Variants in USP31 observed in about 807,000 individuals in gnomAD.
The protein encoded by USP31 is ubiquitin carboxyl-terminal hydrolase 31.
USP31 carries 44 observed loss-of-function variants against 119.4 expected under a neutral mutation model. That is an observed-to-expected ratio of 0.37 (90% CI 0.29 to 0.47). The LOEUF is 0.47. Ranked by LOEUF, USP31 falls within the 20% of genes least tolerant of loss-of-function variation. The pLI, the probability that USP31 is intolerant of heterozygous loss-of-function variation, is 0.99. For synonymous variants in USP31, 749 were observed against 705.6 expected, an observed-to-expected ratio of 1.06 and a Z score of -0.97; for missense variants, 1,643 against 1,730.2, an observed-to-expected ratio of 0.95 and a Z score of 0.89.
chr16:23,067,207 T>G lies in USP31; in HGVS notation c.*839A>C, dbSNP rs1900110047. The G allele has an allele frequency of 6.6e-6, 1 of 152,664 alleles. No individual in the cohort carries two copies. Among genetic ancestry groups the G allele is most frequent in the Non-Finnish European group, 1.5e-5 (1 of 68,048 alleles). 9.5% of individuals were successfully genotyped at this position (152,664 alleles called of 1,614,324 possible). On this transcript the variant is annotated 3_prime_UTR_variant, in exon 16 of 16. Coordinates refer to ENST00000219689, the MANE Select transcript of USP31 (RefSeq NM_020718.4). The stretch of plus-strand genomic sequence containing the variant: ...ACTACAGTGCAAAATTCCAAGAGCC[T>G]TAGCTAGTAATTTCAGAAGGAAAAA...
intron 2 of USP31, among the ~76,000 whole-genome samples, 180 bp downstream of exon 2, chr16:23,107,866 T>A (rs555034970): frequency 1.3e-5 from 2 of 152,358 alleles, no homozygotes; most frequent in Admixed American, 1.3e-4. Context: ...AGCTCTTGTA[T>A]CTTACACTGC....
At position 23,068,761 on chromosome 16, in the gene USP31, T is replaced by C. The variant is rs1900205386; in HGVS notation, c.3344A>G (p.Gln1115Arg). Residue 1115 changes from glutamine to arginine, a missense_variant, in exon 16 of 16, where the codon CAG becomes CGG. By Grantham distance (43) the Gln-to-Arg change is conservative. Transcript: ENST00000219689. Reference protein sequence around the residue: ...DSVSSPSPQKQKSASALTYTA... With the variant: ...DSVSSPSPQKRKSASALTYTA... ...GTAGGTGAGGGCCGAGGCTGACTTCTGCTTCTGTGGCGAAGGAGATGACAC... is the reference window on the plus strand; with the variant it reads ...GTAGGTGAGGGCCGAGGCTGACTTCCGCTTCTGTGGCGAAGGAGATGACAC... The C allele has an allele frequency of 6.3e-7, 1 of 1,584,350 alleles. No individual in the cohort carries two copies. Among genetic ancestry groups the C allele is most frequent in the African/African-American group, 1.4e-5 (1 of 73,542 alleles).
intron 1 of USP31, 151 bp from the exon 2 acceptor site, chr16:23,108,334 T>A: frequency 9.6e-7 from 1 of 1,041,678 alleles, no homozygotes; most frequent in Non-Finnish European, 1.3e-6. Context: ...GATGCCAGTG[T>A]AAAAACCTCA....
chr16:23,123,811 G>A (rs1902759269), intron 1 of USP31, among the ~76,000 whole-genome samples: 2 of 152,042 alleles, frequency 1.3e-5, no homozygotes, highest in South Asian at 4.1e-4. Flanking sequence ...ACCAGCCCAG[G>A]CAACAAAGAG....
intron 6 of USP31, among the ~76,000 whole-genome samples, chr16:23,101,558 C>T (rs1263251445): frequency 6.6e-6 from 1 of 152,016 alleles, no homozygotes; most frequent in African/African-American, 2.4e-5. Flanking sequence ...CGATCACCTA[C>T]CTAAAGGGCT....
chr16:23,088,399 C>A (rs1268371962), intron 7 of USP31, among the ~76,000 whole-genome samples: 4 of 152,146 alleles, frequency 2.6e-5, no homozygotes, highest in African/African-American at 9.7e-5. Flanking sequence ...ATGCCCAAGT[C>A]CAGCCCCCGG....
intron 6 of USP31, among the ~76,000 whole-genome samples, chr16:23,093,492 A>C (rs1293370352): frequency 6.6e-6 from 1 of 152,250 alleles, no homozygotes; most frequent in Non-Finnish European, 1.5e-5. Flanking sequence ...GTAACACTTC[A>C]CATTCACCAG....
chr16:23,147,211 C>G (rs1266702150), intron 1 of USP31, among the ~76,000 whole-genome samples: 1 of 152,152 alleles, frequency 6.6e-6, no homozygotes, highest in Non-Finnish European at 1.5e-5. Context: ...CAGGTTCAAG[C>G]AATTCTCCTG....
chr16:23,079,710 GCACATAC>G (rs1291985342), intron 13 of USP31: 1 of 446,276 alleles, frequency 2.2e-6, no homozygotes, highest in Non-Finnish European at 3.9e-6. Flanking sequence ...AATGCCATCT[GCACATAC>G]CACTCCCCAA....
At chr16:23,148,589 G>GCC (rs1567252128) in intron 1 of USP31, 49 bp downstream of exon 1, 4 of 1,412,996 alleles carry the variant, frequency 2.8e-6, no homozygotes, top group Non-Finnish European at 3.6e-6. Flanking sequence ...GCGGGCAGGT[G>GCC]CCCCAGGGGC....
At chr16:23,090,041 C>G (rs1901283080) in intron 7 of USP31, among the ~76,000 whole-genome samples, 1 of 152,118 alleles carries the variant, frequency 6.6e-6, no homozygotes, top group African/African-American at 2.4e-5. Flanking sequence ...GGGTCTAGAG[C>G]CCCAAGAGGA....
chr16:23,087,031 G>A, intron 9 of USP31, 61 bp downstream of exon 9: 1 of 1,285,556 alleles, frequency 7.8e-7, no homozygotes. Context: ...GACATCACTT[G>A]AAATCACACA....
intron 13 of USP31, among the ~76,000 whole-genome samples, chr16:23,075,786 C>G (rs1900544627): frequency 6.6e-6 from 1 of 152,184 alleles, no homozygotes; most frequent in Non-Finnish European, 1.5e-5. Flanking sequence ...ATAAAGATTA[C>G]ATCAAAATAA....
intron 7 of USP31, among the ~76,000 whole-genome samples, chr16:23,089,256 C>G (rs374577913): frequency 6.6e-6 from 1 of 152,170 alleles, no homozygotes; most frequent in East Asian, 1.9e-4. Flanking sequence ...TGGCTGCGGT[C>G]TCTTCAGGGA....
intron 1 of USP31, among the ~76,000 whole-genome samples, chr16:23,110,102 T>C (rs374620281): frequency 3.8e-4 from 58 of 152,314 alleles, no homozygotes; most frequent in African/African-American, 7.9e-4. Flanking sequence ...TACAGTGACA[T>C]AGGATATTAA....
intron 13 of USP31, chr16:23,078,839 C>T (rs1020179227): frequency 3.3e-5 from 5 of 152,130 alleles, no homozygotes; most frequent in Admixed American, 6.5e-5. Flanking sequence ...CAAGTATATA[C>T]TACATACCAA....
chr16:23,101,027 C>T (rs956605137), intron 6 of USP31, among the ~76,000 whole-genome samples: 2 of 152,134 alleles, frequency 1.3e-5, no homozygotes, highest in Admixed American at 1.3e-4. Flanking sequence ...GGGGGTTATG[C>T]TCCTTTCAAG....
At position 23,096,150 on chromosome 16, in the gene USP31, C is replaced by A. The variant is rs1025915488; in HGVS notation, c.1235-5346G>T. Among the ~76,000 whole-genome samples, 3 of 152,004 alleles carry A rather than the reference C, an allele frequency of 2.0e-5. No individual in the cohort carries two copies. The East Asian group carries it at 5.8e-4, about 29-fold the overall frequency. Reference sequence around the variant, plus strand: ...TCAAAATAAAAGGATGGAGGAAGATCTACCAAGCAAATGAAAAGCAAAAAA... The same window carrying A: ...TCAAAATAAAAGGATGGAGGAAGATATACCAAGCAAATGAAAAGCAAAAAA... On this transcript the variant is annotated intron_variant, in intron 6 of 15. Coordinates refer to ENST00000219689, the MANE Select transcript of USP31 (RefSeq NM_020718.4).
chr16:23,067,908 T>TAC lies in USP31; in HGVS notation c.*136_*137dup. 2.0e-6 allele frequency: 2 copies of TAC among 1,007,344 alleles called. No homozygotes were observed. Among genetic ancestry groups the TAC allele is most frequent in the Non-Finnish European group, 1.4e-6 (1 of 715,426 alleles). The allele number at this position is 1,007,344 out of a possible 1,614,324, so 62.4% of individuals were successfully genotyped here. On this transcript the variant is annotated 3_prime_UTR_variant, in exon 16 of 16. Coordinates refer to ENST00000219689, the MANE Select transcript of USP31 (RefSeq NM_020718.4). ...CAATTGAATTAGACACACACACGCA[T>TAC]ACACTCACACACACACACACAGTCG... is the stretch of plus-strand genomic sequence containing the variant.
Sources: allele counts gnomAD v4.1 joint callset (sites outside exome capture counted in the v4.1 genomes callset), GRCh38; gene constraint gnomAD v4.1.1; transcripts MANE v1.5; gene names NCBI Gene and HGNC (gene_info 2026-07-23, HGNC 2026-07-21).